OTUD7A: variants seen among roughly 807,000 people sequenced by gnomAD.
The protein encoded by OTUD7A is OTU deubiquitinase 7A.
A neutral mutation model predicts 65.7 loss-of-function variants in OTUD7A; 12 were observed. That is an observed-to-expected ratio of 0.18 (90% CI 0.12 to 0.30). OTUD7A has a LOEUF of 0.30. Ranked by LOEUF, OTUD7A falls within the 10% of genes least tolerant of loss-of-function variation. The pLI is 1.00. For synonymous variants in OTUD7A, 641 were observed against 586.3 expected (o/e 1.09, Z -1.35); for missense variants, 1,148 against 1,304.8 (o/e 0.88, Z 1.85).
rs1002470790 is a variant in OTUD7A, at chr15:31,481,589, A to C, written c.*1705T>G. Reference sequence around the variant, plus strand: ...TCTTAAAGATCCTATTTAATAAATAATTTTTGATTTAAGGAACCACTTATG... The same window carrying C: ...TCTTAAAGATCCTATTTAATAAATACTTTTTGATTTAAGGAACCACTTATG... On this transcript the variant is annotated 3_prime_UTR_variant, in exon 13 of 13. Transcript: ENST00000307050. 4.6e-5 allele frequency: 7 copies of C among 152,362 alleles called. No homozygotes were observed. Among genetic ancestry groups the C allele is most frequent in the Non-Finnish European group, 8.8e-5 (6 of 68,030 alleles). 9.4% of individuals were successfully genotyped at this position (152,362 alleles called of 1,614,324 possible).
intron 1 of OTUD7A, among the ~76,000 whole-genome samples, chr15:31,735,516 A>G (rs542846968): frequency 1.0e-4 from 15 of 148,224 alleles, no homozygotes; most frequent in African/African-American, 3.7e-4. Context: ...CCTGGGCAAC[A>G]GAGTGAAACT....
At chr15:31,749,418 C>T (rs549920547) in intron 1 of OTUD7A, among the ~76,000 whole-genome samples, 1 of 152,286 alleles carries the variant, frequency 6.6e-6, no homozygotes, top group East Asian at 1.9e-4. Flanking sequence ...GAATTTGAGA[C>T]AGATATCCCC....
chr15:31,678,666 T>C (rs1040181380), intron 1 of OTUD7A, among the ~76,000 whole-genome samples: 2 of 152,206 alleles, frequency 1.3e-5, no homozygotes, highest in African/African-American at 2.4e-5. Context: ...AAGTCAAGAA[T>C]TGAGGTTAAC....
At chr15:31,574,369 G>T (rs1331511501) in intron 3 of OTUD7A, among the ~76,000 whole-genome samples, 1 of 152,138 alleles carries the variant, frequency 6.6e-6, no homozygotes. Context: ...TAGGCTTAAT[G>T]CAACTATTTA....
chr15:31,676,529 A>T (rs1376873755), intron 1 of OTUD7A, among the ~76,000 whole-genome samples: 2 of 152,256 alleles, frequency 1.3e-5, no homozygotes. Flanking sequence ...AGAGGTATGC[A>T]TAGAATCCTT....
intron 12 of OTUD7A, among the ~76,000 whole-genome samples, chr15:31,486,451 G>A (rs11071094): frequency 0.26 from 40,237 of 152,202 alleles, 5,941 homozygotes; most frequent in East Asian, 0.36. Context: ...TTCTTTGTGA[G>A]CCCCACTTTA....
At chr15:31,734,880 G>A (rs1485715570) in intron 1 of OTUD7A, among the ~76,000 whole-genome samples, 1 of 151,928 alleles carries the variant, frequency 6.6e-6, no homozygotes, top group Non-Finnish European at 1.5e-5. Context: ...AAAAGCAATT[G>A]CAACAAAAGC....
At chr15:31,623,780 A>G (rs1890872561) in intron 3 of OTUD7A, among the ~76,000 whole-genome samples, 2 of 152,142 alleles carry the variant, frequency 1.3e-5, no homozygotes, top group African/African-American at 4.8e-5. Flanking sequence ...TCCTGCACCC[A>G]CTGTCTGACA....
At position 31,526,364 on chromosome 15, in the gene OTUD7A, C is replaced by T. The variant is rs757165485; in HGVS notation, c.878G>A (p.Gly293Asp). ...CAGCACTTACCCCCCGCCCGTGCCG[C>T]CATTCTTGCTGAAGTGTGTGCGCGG... Reference protein sequence around the residue: ...SEPRTHFSKNGGTGGGVDNSE... With the variant: ...SEPRTHFSKNDGTGGGVDNSE... The change falls in exon 8 of 13, where the codon GGC becomes GAC. Residue 293 changes from glycine (G) to aspartate (D), a missense_variant. Physicochemically the swap from Gly to Asp is moderately conservative, Grantham distance 94. Around this residue, in one of 6 missense-constraint regions of OTUD7A, gnomAD observed 25 missense variants for 18.7 expected, o/e 1.34. Coordinates refer to ENST00000307050, the MANE Select transcript of OTUD7A (RefSeq NM_001382637.1). 1.3e-6 allele frequency: 2 copies of T among 1,598,416 alleles called. No homozygotes were observed. Among genetic ancestry groups the T allele is most frequent in the South Asian group, 2.2e-5 (2 of 88,934 alleles).
chr15:31,611,562 G>A (rs1890421851), intron 3 of OTUD7A, among the ~76,000 whole-genome samples: 1 of 152,106 alleles, frequency 6.6e-6, no homozygotes, highest in South Asian at 2.1e-4. Context: ...ACATAGAAGA[G>A]ATGGATAAAT....
At chr15:31,732,638 C>T (rs1423840735) in intron 1 of OTUD7A, among the ~76,000 whole-genome samples, 2 of 152,190 alleles carry the variant, frequency 1.3e-5, no homozygotes, top group African/African-American at 4.8e-5. Context: ...CATGCACTTC[C>T]CAAGTTTCCT....
At chr15:31,510,469 T>C (rs2041670115) in intron 8 of OTUD7A, among the ~76,000 whole-genome samples, 1 of 150,330 alleles carries the variant, frequency 6.7e-6, no homozygotes, top group Non-Finnish European at 1.5e-5. Flanking sequence ...AAGGGGAGTT[T>C]TGAATATATA....
chr15:31,769,682 CT>C (rs1382318351), intron 1 of OTUD7A, among the ~76,000 whole-genome samples: 14 of 152,308 alleles, frequency 9.2e-5, no homozygotes, highest in Admixed American at 9.1e-4. Flanking sequence ...CTCAAATCTG[CT>C]ATGCTGAGTG....
At chr15:31,732,462 T>C (rs1043596832) in intron 1 of OTUD7A, among the ~76,000 whole-genome samples, 30 of 152,254 alleles carry the variant, frequency 2.0e-4, no homozygotes, top group Non-Finnish European at 1.0e-4. Context: ...AGGATATTTG[T>C]AGTTGCATGA....
At chr15:31,799,438 G>A (rs150833478) in intron 1 of OTUD7A, among the ~76,000 whole-genome samples, 140 of 152,344 alleles carry the variant, frequency 9.2e-4, no homozygotes, top group Non-Finnish European at 1.6e-3. Context: ...GTGCCTGCAT[G>A]TGGAGGTGGG....
chr15:31,576,158 A>G (rs1889197503), intron 3 of OTUD7A, among the ~76,000 whole-genome samples: 1 of 152,348 alleles, frequency 6.6e-6, no homozygotes, highest in African/African-American at 2.4e-5. Flanking sequence ...GCTCACCAGG[A>G]AATTCCTTAT....
intron 3 of OTUD7A, among the ~76,000 whole-genome samples, chr15:31,615,184 A>G (rs1890549030): frequency 6.6e-6 from 1 of 152,202 alleles, no homozygotes; most frequent in African/African-American, 2.4e-5. Flanking sequence ...TGCTTCAAGT[A>G]AAAAACAGAT....
At position 31,715,936 on chromosome 15, in the gene OTUD7A, C is replaced by G. The variant is rs1310295933; in HGVS notation, c.-99-58859G>C. On this transcript the variant is annotated intron_variant, in intron 1 of 12. Transcript: ENST00000307050. ...GAGGGTACAATAAGAACGGGTGCTG[C>G]CCACAGTGCAGTGGTGCAGTGAGAC... 1.5e-4 allele frequency among the ~76,000 whole-genome samples: 4 copies of G among 26,040 alleles called. 1 individual carries two copies. The highest frequency in any genetic ancestry group is 2.0e-4 in the African/African-American group (4 of 20,344). 17.1% of individuals were successfully genotyped at this position (26,040 alleles called of 152,430 possible).
rs1473548670 is a variant in OTUD7A at position 31,767,097 on chromosome 15, A to T, written c.-100+103410T>A. 2.1e-5 allele frequency: 32 copies of T among 1,554,400 alleles called. No individual in the cohort carries two copies. The Admixed American group carries it at 5.7e-4, about 28-fold the overall frequency. ...CTGGATTGCTTATCTGTAGTCTCTCAGTAGAATCTGATTCTTCTTTATTTT... is the reference window on the plus strand; with the variant it reads ...CTGGATTGCTTATCTGTAGTCTCTCTGTAGAATCTGATTCTTCTTTATTTT... On this transcript the variant is annotated intron_variant, in intron 1 of 12. Coordinates refer to ENST00000307050, the MANE Select transcript of OTUD7A (RefSeq NM_001382637.1).
Sources: gnomAD v4.1 joint callset for allele counts (sites outside exome capture counted in the v4.1 genomes callset) on GRCh38, gnomAD v4.1.1 for gene constraint, gnomAD v4.1.1 regional missense constraint, MANE v1.5 for transcripts, NCBI Gene and HGNC (gene_info 2026-07-23, HGNC 2026-07-21) for gene names.